AOAH: variants seen among roughly 807,000 people sequenced by gnomAD.
AOAH encodes acyloxyacyl hydrolase (neutrophil).
AOAH carries 64 observed loss-of-function variants against 92.2 expected under a neutral mutation model. That is an observed-to-expected ratio of 0.69 (90% CI 0.57 to 0.86). The LOEUF (loss-of-function observed/expected upper bound fraction) is 0.86, where lower values mean the gene tolerates loss of function less well. Ranked by LOEUF, AOAH falls within the 40% of genes least tolerant of loss-of-function variation. The pLI is 0.00. For synonymous variants in AOAH, 263 were observed against 254.5 expected, an observed-to-expected ratio of 1.03 and a Z score of -0.32; for missense variants, 656 against 694.6, an observed-to-expected ratio of 0.94 and a Z score of 0.62.
At chr7:36,576,829 T>C (rs868387362) in intron 12 of AOAH, among the ~76,000 whole-genome samples, 173 bp from the exon 13 acceptor site, 3 of 152,206 alleles carry the variant, frequency 2.0e-5, no homozygotes, top group African/African-American at 7.2e-5. Flanking sequence ...GCAGTTGTTA[T>C]GAGAAGCAGT....
intron 1 of AOAH, among the ~76,000 whole-genome samples, chr7:36,708,769 A>T (rs1246571281): frequency 6.6e-6 from 1 of 152,084 alleles, no homozygotes; most frequent in Non-Finnish European, 1.5e-5. Context: ...AGTTTTTTAC[A>T]TCTCTGCTCA....
At chr7:36,624,513 G>A (rs1454724453) in intron 6 of AOAH, among the ~76,000 whole-genome samples, 1 of 152,194 alleles carries the variant, frequency 6.6e-6, no homozygotes, top group Admixed American at 6.5e-5. Context: ...GGTTATATTA[G>A]CTTCTATGGC....
intron 13 of AOAH, among the ~76,000 whole-genome samples, chr7:36,557,613 C>T (rs1391663580): frequency 6.6e-6 from 1 of 152,248 alleles, no homozygotes; most frequent in Non-Finnish European, 1.5e-5. Context: ...CTGTCACTTT[C>T]AGGTACACCA....
intron 15 of AOAH, among the ~76,000 whole-genome samples, chr7:36,547,266 G>T (rs971714550): frequency 5.7e-4 from 86 of 152,204 alleles, no homozygotes; most frequent in Admixed American, 2.2e-3. Context: ...GGGTTCTGGG[G>T]ACAGCAGTAA....
At chr7:36,602,746 T>C (rs1790704053) in intron 11 of AOAH, among the ~76,000 whole-genome samples, 3 of 152,162 alleles carry the variant, frequency 2.0e-5, no homozygotes, top group African/African-American at 7.2e-5. Context: ...GTAGTTTTTC[T>C]TTTTTGGGGG....
At chr7:36,612,757 CTTTG>C (rs934988960) in intron 11 of AOAH, among the ~76,000 whole-genome samples, 12 of 152,054 alleles carry the variant, frequency 7.9e-5, no homozygotes, top group Admixed American at 1.3e-4. Context: ...CACTTTTAAC[CTTTG>C]TTTGTTTGAC....
intron 3 of AOAH, among the ~76,000 whole-genome samples, chr7:36,673,450 T>C (rs990267237): frequency 3.6e-4 from 55 of 152,108 alleles, no homozygotes; most frequent in African/African-American, 1.3e-3. Flanking sequence ...GGCAGGAGAA[T>C]TGCTTGAACC....
At chr7:36,547,577 G>A (rs1436983971) in intron 15 of AOAH, among the ~76,000 whole-genome samples, 1 of 152,138 alleles carries the variant, frequency 6.6e-6, no homozygotes, top group Non-Finnish European at 1.5e-5. Flanking sequence ...CGGGCAAATC[G>A]TGAACCTCGT....
intron 11 of AOAH, among the ~76,000 whole-genome samples, chr7:36,607,118 G>C (rs1353137860): frequency 6.6e-6 from 1 of 152,220 alleles, no homozygotes; most frequent in African/African-American, 2.4e-5. Flanking sequence ...GGAGAGGAGA[G>C]GGGCTGCTGC....
intron 12 of AOAH, among the ~76,000 whole-genome samples, chr7:36,588,382 A>T (rs1789505147): frequency 6.6e-6 from 1 of 152,242 alleles, no homozygotes; most frequent in Non-Finnish European, 1.5e-5. Flanking sequence ...CATGGACCAC[A>T]CTTGGAGAAC....
intron 13 of AOAH, among the ~76,000 whole-genome samples, chr7:36,560,202 T>C (rs1044903284): frequency 6.6e-6 from 1 of 152,214 alleles, no homozygotes; most frequent in Non-Finnish European, 1.5e-5. Flanking sequence ...TTAGGATTGC[T>C]TTGTCTATTC....
intron 13 of AOAH, among the ~76,000 whole-genome samples, chr7:36,572,995 C>T (rs910134271): frequency 1.3e-5 from 2 of 152,132 alleles, no homozygotes; most frequent in Admixed American, 6.5e-5. Context: ...CAACTGTGCT[C>T]AATGAACCAT....
At chr7:36,596,431 A>T (rs1356555497) in intron 11 of AOAH, among the ~76,000 whole-genome samples, 1 of 152,140 alleles carries the variant, frequency 6.6e-6, no homozygotes, top group Admixed American at 6.5e-5. Context: ...CCCACCTCAG[A>T]ATGTGACCTT....
chr7:36,719,296 T>G (rs1322916384), intron 1 of AOAH, among the ~76,000 whole-genome samples: 1 of 152,220 alleles, frequency 6.6e-6, no homozygotes, highest in Non-Finnish European at 1.5e-5. Context: ...TGTAGTGACT[T>G]TCTCCAGGCA....
rs1319372279 is a variant in AOAH, at chr7:36,557,312, C to T, written c.1022-7837G>A. 3.3e-5 allele frequency among the ~76,000 whole-genome samples: 5 copies of T among 152,254 alleles called. No individual in the cohort carries two copies. The South Asian group carries it at 8.3e-4, about 25-fold the overall frequency. On this transcript the variant is annotated intron_variant, in intron 13 of 20. Coordinates refer to ENST00000617537, the MANE Select transcript of AOAH (RefSeq NM_001637.4). Reference sequence around the variant, plus strand: ...TTCTTTAAGAATGTTGAATATTGGCCCCCACTCTCCTCTGGCTTGTAGAGT... The same window carrying T: ...TTCTTTAAGAATGTTGAATATTGGCTCCCACTCTCCTCTGGCTTGTAGAGT...
intron 9 of AOAH, among the ~76,000 whole-genome samples, chr7:36,619,830 AATTT>A (rs1327856664): frequency 6.6e-6 from 1 of 152,232 alleles, no homozygotes; most frequent in Non-Finnish European, 1.5e-5. Context: ...CAATTTAGAC[AATTT>A]ATTTAGGTAG....
rs1181924265 is a variant in AOAH, at chr7:36,573,447, C to T, written c.1021+3127G>A. 6.6e-5 allele frequency among the ~76,000 whole-genome samples: 10 copies of T among 152,168 alleles called. No homozygotes were observed. In the South Asian group the frequency reaches 1.0e-3, roughly 16 times the overall value. On this transcript the variant is annotated intron_variant, in intron 13 of 20. Coordinates refer to ENST00000617537, the MANE Select transcript of AOAH (RefSeq NM_001637.4). ...TTAAAATGCGTTATAGGGTCAGGCA[C>T]AGTCACACGCCTGTAACCCCAGCGT...
intron 5 of AOAH, among the ~76,000 whole-genome samples, chr7:36,632,556 G>T (rs1793198518): frequency 6.6e-6 from 1 of 152,246 alleles, no homozygotes; most frequent in Admixed American, 6.5e-5. Context: ...GAGGTGCACA[G>T]ACCAAGCCCC....
At chr7:36,623,325 C>T (rs1792422243) in intron 6 of AOAH, 75 bp from the exon 7 acceptor site, 1 of 1,319,754 alleles carries the variant, frequency 7.6e-7, no homozygotes, top group African/African-American at 1.5e-5. Context: ...AATAGAGAGA[C>T]ATTTTCTGAT....
Sources: allele counts gnomAD v4.1 joint callset (sites outside exome capture counted in the v4.1 genomes callset), GRCh38; gene constraint gnomAD v4.1.1; transcripts MANE v1.5; gene names NCBI Gene and HGNC (gene_info 2026-07-23, HGNC 2026-07-21).